The following TNS1 variants were observed in gnomAD, a reference collection of about 807,000 sequenced individuals.
TNS1 encodes tensin 1.
A neutral mutation model predicts 168.6 loss-of-function variants in TNS1; 62 were observed. That is an observed-to-expected ratio of 0.37 (90% CI 0.30 to 0.45). The LOEUF (loss-of-function observed/expected upper bound fraction) is 0.45. Ranked by LOEUF, TNS1 falls within the 20% of genes least tolerant of loss-of-function variation. The pLI is 1.00. For missense variants in TNS1, 2,240 were observed against 2,339.4 expected (o/e 0.96, Z 0.88); for synonymous variants, 934 against 933.2 (o/e 1.00, Z -0.02).
chr2:217,869,179 G>T (rs1949547770), intron 18 of TNS1, among the ~76,000 whole-genome samples: 1 of 152,234 alleles, frequency 6.6e-6, no homozygotes, highest in Admixed American at 6.5e-5. Context: ...GGCCTCTGCT[G>T]CAGGAAGACA....
At chr2:217,988,539 G>A (rs1365995059) in intron 2 of TNS1, among the ~76,000 whole-genome samples, 4 of 152,238 alleles carry the variant, frequency 2.6e-5, no homozygotes, top group South Asian at 2.1e-4. Context: ...GAACCGTGGG[G>A]AAGGGCCAGG....
chr2:217,961,258 C>CAGAGAGAGAGAG (rs746086984), intron 3 of TNS1, among the ~76,000 whole-genome samples: 16 of 139,926 alleles, frequency 1.1e-4, no homozygotes, highest in Middle Eastern at 3.7e-3. Context: ...CACACACACA[C>CAGAGAGAGAGAG]ACAGAGAGAG....
rs370927774 is a variant in TNS1, at chr2:217,885,853, C to A, written c.1041-34G>T. ...GAGAGGTGGGCAGAAAAAGAGTGGG[C>A]TGCTGGAGGGGAGATGAGGGAGGGG... On this transcript the variant is annotated intron_variant, in intron 14 of 32. Transcript: ENST00000682258. 7.6e-5 allele frequency: 122 copies of A among 1,610,056 alleles called. No homozygotes were observed. The African/African-American group carries it at 1.5e-3, about 20-fold the overall frequency.
At chr2:217,878,436 A>G (rs2125631966) in intron 18 of TNS1, among the ~76,000 whole-genome samples, 1 of 152,124 alleles carries the variant, frequency 6.6e-6, no homozygotes, top group East Asian at 1.9e-4. Context: ...CTGGCTTGGC[A>G]AGCTGGGGCA....
intron 1 of TNS1, among the ~76,000 whole-genome samples, chr2:218,024,267 G>C (rs1958833614): frequency 6.6e-6 from 1 of 152,072 alleles, no homozygotes; most frequent in South Asian, 2.1e-4. Context: ...AAGGGGTCTT[G>C]GGAAGGATGC....
intron 1 of TNS1, among the ~76,000 whole-genome samples, chr2:218,001,458 T>A (rs1025747785): frequency 6.6e-6 from 1 of 152,116 alleles, no homozygotes; most frequent in Admixed American, 6.5e-5. Context: ...CAGCAGCTCG[T>A]CACCCCTGGA....
chr2:217,881,021 G>A lies in TNS1; in HGVS notation c.1313-7C>T. On this transcript the variant is annotated splice_polypyrimidine_tract_variant and splice_region_variant and intron_variant, in intron 17 of 32. Transcript: ENST00000682258. The stretch of plus-strand genomic sequence containing the variant: ...TTCTCCAGGTGCTCCATGCCTAAGT[G>A]GGATGGGAAAGGCAGCGGCAGTCGG... The A allele has an allele frequency of 6.2e-7, 1 of 1,607,404 alleles. No individual in the cohort carries two copies. The highest frequency in any genetic ancestry group is 8.5e-7 in the Non-Finnish European group (1 of 1,173,904).
At chr2:217,818,896 G>A in intron 23 of TNS1, 137 bp from the exon 24 acceptor site, 1 of 688,592 alleles carries the variant, frequency 1.5e-6, no homozygotes, top group Non-Finnish European at 2.4e-6. Context: ...GGACATCAGG[G>A]TTTTATACGT....
intron 18 of TNS1, among the ~76,000 whole-genome samples, chr2:217,864,686 T>C (rs1409373808): frequency 6.6e-6 from 1 of 152,234 alleles, no homozygotes; most frequent in Admixed American, 6.5e-5. Flanking sequence ...GCATTTATCC[T>C]CACAATGCTA....
At chr2:218,020,427 G>T (rs1958797383) in intron 1 of TNS1, among the ~76,000 whole-genome samples, 1 of 152,032 alleles carries the variant, frequency 6.6e-6, no homozygotes, top group Non-Finnish European at 1.5e-5. Flanking sequence ...TGACAACAGT[G>T]TCAAAATTCT....
intron 2 of TNS1, 25 bp from the exon 3 acceptor site, chr2:217,978,827 G>C: frequency 1.4e-6 from 1 of 702,238 alleles, no homozygotes; most frequent in Non-Finnish European, 2.6e-6. Flanking sequence ...GACACAGAAA[G>C]AAAGTTTTAG....
At chr2:217,873,489 G>A (rs947312458) in intron 18 of TNS1, among the ~76,000 whole-genome samples, 45 of 152,330 alleles carry the variant, frequency 3.0e-4, no homozygotes, top group African/African-American at 7.7e-4. Context: ...GGGTGGGGGC[G>A]CACTGGCCAC....
At chr2:217,983,583 C>T (rs1575158402) in intron 2 of TNS1, among the ~76,000 whole-genome samples, 1 of 152,236 alleles carries the variant, frequency 6.6e-6, no homozygotes, top group African/African-American at 2.4e-5. Context: ...CCTGGGGTTG[C>T]TTCCTGCCTC....
intron 4 of TNS1, among the ~76,000 whole-genome samples, chr2:217,908,841 C>T (rs979891094): frequency 8.5e-5 from 13 of 152,230 alleles, no homozygotes; most frequent in African/African-American, 2.4e-4. Flanking sequence ...CCCTCCCACA[C>T]CTCTCCTCCA....
intron 9 of TNS1, among the ~76,000 whole-genome samples, chr2:217,894,169 A>G (rs950031447): frequency 6.6e-6 from 1 of 152,142 alleles, no homozygotes; most frequent in African/African-American, 2.4e-5. Flanking sequence ...CACCAACTTT[A>G]AAGTAAAAGA....
chr2:218,014,382 C>G (rs1179673437), upstream of TNS1, among the ~76,000 whole-genome samples: 1 of 152,132 alleles, frequency 6.6e-6, no homozygotes, highest in African/African-American at 2.4e-5. Flanking sequence ...GGCTGTCCCT[C>G]GGGTACCAAC....
chr2:217,806,730 G>A (rs1219203710), intron 32 of TNS1, among the ~76,000 whole-genome samples: 2 of 152,226 alleles, frequency 1.3e-5, no homozygotes, highest in African/African-American at 4.8e-5. Context: ...CCATGTGATA[G>A]ACTAGTCAGT....
intron 3 of TNS1, among the ~76,000 whole-genome samples, chr2:217,971,843 A>G (rs972512494): frequency 1.3e-5 from 2 of 152,220 alleles, no homozygotes; most frequent in African/African-American, 4.8e-5. Context: ...ACTGCTAGAG[A>G]TCTCAGGGGC....
At chr2:218,027,199 C>G (rs891482271) in intron 1 of TNS1, among the ~76,000 whole-genome samples, 6 of 152,134 alleles carry the variant, frequency 3.9e-5, no homozygotes, top group African/African-American at 1.4e-4. Flanking sequence ...ACCCCCCTGT[C>G]GTCTTCCACC....
Sources: gnomAD v4.1 joint callset for allele counts (sites outside exome capture counted in the v4.1 genomes callset) on GRCh38, gnomAD v4.1.1 for gene constraint, MANE v1.5 for transcripts, NCBI Gene and HGNC (gene_info 2026-07-23, HGNC 2026-07-21) for gene names.